The following HS6ST3 variants were observed in gnomAD, a reference collection of about 807,000 sequenced individuals.
HS6ST3 encodes the protein heparan sulfate 6-O-sulfotransferase 3, also known as heparan-sulfate 6-O-sulfotransferase 3.
A neutral mutation model predicts 36.7 loss-of-function variants in HS6ST3; 12 were observed. The ratio of observed to expected loss-of-function variants is 0.33; its 90% CI spans 0.21 to 0.53. HS6ST3 has a LOEUF of 0.53. Among genes scored for constraint, HS6ST3 ranks in the 20% least tolerant of loss-of-function variants. The pLI is 0.95. For missense variants in HS6ST3, 584 were observed against 640.9 expected (o/e 0.91, Z 0.96); for synonymous variants, 240 against 257.5 (o/e 0.93, Z 0.65).
chr13:96,646,011 A>C (rs2056587311), intron 1 of HS6ST3, among the ~76,000 whole-genome samples: 1 of 151,990 alleles, frequency 6.6e-6, no homozygotes, highest in Non-Finnish European at 1.5e-5. Context: ...GCCAAGATGA[A>C]ATTCAATAGA....
At position 96,808,472 on chromosome 13, in the gene HS6ST3, G is replaced by A. The variant is rs576571396; in HGVS notation, c.708-24018G>A. Among the ~76,000 whole-genome samples, 296 of 152,272 alleles carry A rather than the reference G, an allele frequency of 1.9e-3. 3 individuals are homozygous for A. The highest frequency in any genetic ancestry group is 0.014 in the Middle Eastern group (4 of 294). On this transcript the variant is annotated intron_variant, in intron 1 of 1. Coordinates refer to ENST00000376705, the MANE Select transcript of HS6ST3 (RefSeq NM_153456.4). The stretch of plus-strand genomic sequence containing the variant: ...ATTGCTTAACTCTGTAGCATGGTTC[G>A]AATTGGCTGTTTTATTGTTTAACTC...
intron 1 of HS6ST3, among the ~76,000 whole-genome samples, chr13:96,377,289 A>G (rs1365629050): frequency 6.6e-6 from 1 of 151,772 alleles, no homozygotes; most frequent in Non-Finnish European, 1.5e-5. Flanking sequence ...TGGTAGTTCG[A>G]CACTGGTGAG....
intron 1 of HS6ST3, among the ~76,000 whole-genome samples, chr13:96,751,060 CT>C (rs969061506): frequency 5.9e-5 from 9 of 151,916 alleles, no homozygotes; most frequent in Non-Finnish European, 1.0e-4. Flanking sequence ...GAGAATCACA[CT>C]TTTTTTTACC....
chr13:96,291,609 A>G (rs2054830295), intron 1 of HS6ST3, among the ~76,000 whole-genome samples: 2 of 152,212 alleles, frequency 1.3e-5, no homozygotes, highest in South Asian at 4.1e-4. Flanking sequence ...AATAAGATAA[A>G]TGCATTTATT....
intron 1 of HS6ST3, among the ~76,000 whole-genome samples, chr13:96,598,356 T>G (rs2056409564): frequency 6.6e-6 from 1 of 152,124 alleles, no homozygotes. Flanking sequence ...TTCATCAGTG[T>G]TTTGTATTTC....
chr13:96,636,725 GCT>G (rs2139004092), intron 1 of HS6ST3, among the ~76,000 whole-genome samples: 1 of 152,208 alleles, frequency 6.6e-6, no homozygotes, highest in East Asian at 1.9e-4. Flanking sequence ...TGAAGTAAAA[GCT>G]CTCTCTTCCC....
chr13:96,696,736 A>C (rs532837), intron 1 of HS6ST3, among the ~76,000 whole-genome samples: 2,275 of 152,266 alleles, frequency 0.015, 55 homozygotes, highest in African/African-American at 0.051. Flanking sequence ...TCTAAGAGAG[A>C]AGAACTACCA....
intron 1 of HS6ST3, among the ~76,000 whole-genome samples, chr13:96,258,362 A>G (rs1174250240): frequency 6.6e-6 from 1 of 152,172 alleles, no homozygotes; most frequent in African/African-American, 2.4e-5. Flanking sequence ...GTTCAAAACA[A>G]CAACAACAAC....
chr13:96,740,551 A>G (rs1351318696), intron 1 of HS6ST3, among the ~76,000 whole-genome samples: 1 of 152,174 alleles, frequency 6.6e-6, no homozygotes, highest in Non-Finnish European at 1.5e-5. Flanking sequence ...CTTTTGAACC[A>G]AGAGTATGAA....
At chr13:96,673,830 T>C (rs1008451888) in intron 1 of HS6ST3, among the ~76,000 whole-genome samples, 2 of 152,178 alleles carry the variant, frequency 1.3e-5, no homozygotes, top group Non-Finnish European at 2.9e-5. Flanking sequence ...CACAGTATTT[T>C]TTCATTTCTT....
intron 1 of HS6ST3, among the ~76,000 whole-genome samples, chr13:96,521,573 G>C (rs374475727): frequency 2.0e-5 from 3 of 152,290 alleles, no homozygotes. Flanking sequence ...TCCTGGTTTA[G>C]TGTTGGGAGG....
chr13:96,464,276 A>G (rs977577002), intron 1 of HS6ST3, among the ~76,000 whole-genome samples: 4 of 151,698 alleles, frequency 2.6e-5, no homozygotes, highest in Non-Finnish European at 5.9e-5. Context: ...ACACATTGTT[A>G]CATTTCTTCT....
At chr13:96,608,244 G>A (rs1216934040) in intron 1 of HS6ST3, among the ~76,000 whole-genome samples, 1 of 152,128 alleles carries the variant, frequency 6.6e-6, no homozygotes, top group African/African-American at 2.4e-5. Context: ...ATACCACTAA[G>A]TATCTAAATA....
rs67334904 is a variant in HS6ST3 at position 96,489,375 on chromosome 13, A to AACACACACACACAC, written c.708-343099_708-343086dup. Among the ~76,000 whole-genome samples, 71 of 148,094 alleles carry AACACACACACACAC rather than the reference A, an allele frequency of 4.8e-4. 1 individual carries two copies. The highest frequency in any genetic ancestry group is 1.7e-3 in the African/African-American group (69 of 40,322). On this transcript the variant is annotated intron_variant, in intron 1 of 1. Coordinates refer to ENST00000376705, the MANE Select transcript of HS6ST3 (RefSeq NM_153456.4). ...GCAGGAATATTTTTCTGTATATACAAACACACACACACACACACACACACA... is the reference window on the plus strand; with the variant it reads ...GCAGGAATATTTTTCTGTATATACAAACACACACACACACACACACACACACACACACACACACA...
chr13:96,191,322 T>C (rs1391383875), intron 1 of HS6ST3, among the ~76,000 whole-genome samples: 1 of 152,166 alleles, frequency 6.6e-6, no homozygotes, highest in Non-Finnish European at 1.5e-5. Context: ...GTGCTTCCAA[T>C]TCCCTTGTGC....
chr13:96,677,392 C>G (rs2056702384), intron 1 of HS6ST3, among the ~76,000 whole-genome samples: 1 of 152,126 alleles, frequency 6.6e-6, no homozygotes, highest in Non-Finnish European at 1.5e-5. Flanking sequence ...AGGTTGAAAG[C>G]CTTTCTGTTA....
intron 1 of HS6ST3, among the ~76,000 whole-genome samples, chr13:96,355,709 T>A (rs1455360344): frequency 6.6e-6 from 1 of 152,208 alleles, no homozygotes; most frequent in Non-Finnish European, 1.5e-5. Context: ...GGCTGCTGTC[T>A]GATCAGGGTG....
At chr13:96,178,657 T>C (rs1288147955) in intron 1 of HS6ST3, among the ~76,000 whole-genome samples, 1 of 152,172 alleles carries the variant, frequency 6.6e-6, no homozygotes, top group Non-Finnish European at 1.5e-5. Context: ...CTACCTGAGA[T>C]CTCTTAGGTT....
intron 1 of HS6ST3, among the ~76,000 whole-genome samples, chr13:96,540,142 T>G (rs564942596): frequency 6.6e-6 from 1 of 152,340 alleles, no homozygotes. Context: ...GTTTTGAATT[T>G]TTCCTGGAGG....
Sources: gnomAD v4.1 joint callset for allele counts (sites outside exome capture counted in the v4.1 genomes callset) on GRCh38, gnomAD v4.1.1 for gene constraint, MANE v1.5 for transcripts, NCBI Gene and HGNC (gene_info 2026-07-23, HGNC 2026-07-21) for gene names.